WDFY2: variants seen among roughly 807,000 people sequenced by gnomAD.
WDFY2 encodes the protein WD repeat and FYVE domain containing 2, also known as WD repeat and FYVE domain-containing protein 2.
In WDFY2, 36 loss-of-function variants were observed where a neutral mutation model predicts 56.4. The ratio of observed to expected loss-of-function variants is 0.64; its 90% CI spans 0.49 to 0.84. The LOEUF (loss-of-function observed/expected upper bound fraction) is 0.84, where lower values mean the gene tolerates loss of function less well. Among genes scored for constraint, WDFY2 ranks in the 40% least tolerant of loss-of-function variants. The probability of loss-of-function intolerance (pLI) is 0.00; values close to 1 mark genes in which losing one functional copy is unlikely to be tolerated. For synonymous variants in WDFY2, 176 were observed against 183.7 expected (o/e 0.96, Z 0.34); for missense variants, 444 against 512.2 (o/e 0.87, Z 1.29).
intron 6 of WDFY2, among the ~76,000 whole-genome samples, chr13:51,737,373 G>A (rs1352083404): frequency 1.3e-5 from 2 of 151,710 alleles, no homozygotes; most frequent in Non-Finnish European, 2.9e-5. Context: ...AAAGCCAAGG[G>A]CATTTCTTTC....
intron 1 of WDFY2, among the ~76,000 whole-genome samples, chr13:51,650,908 T>A (rs1955368030): frequency 6.6e-6 from 1 of 152,196 alleles, no homozygotes; most frequent in Non-Finnish European, 1.5e-5. Context: ...GGCTTTGGTA[T>A]CAGGATGATG....
At chr13:51,663,746 C>T (rs895101198) in intron 2 of WDFY2, among the ~76,000 whole-genome samples, 9 of 151,992 alleles carry the variant, frequency 5.9e-5, no homozygotes, top group African/African-American at 1.9e-4. Context: ...AGAGGTTACT[C>T]GGTATTATTC....
intron 1 of WDFY2, among the ~76,000 whole-genome samples, chr13:51,613,694 G>C (rs765358022): frequency 6.7e-6 from 1 of 149,746 alleles, no homozygotes; most frequent in South Asian, 2.1e-4. Flanking sequence ...TTTTTTTTTC[G>C]TGGAAAAGTC....
intron 3 of WDFY2, among the ~76,000 whole-genome samples, chr13:51,678,149 C>G (rs552368552): frequency 6.6e-6 from 1 of 152,202 alleles, no homozygotes; most frequent in East Asian, 1.9e-4. Flanking sequence ...TGAGCCCTAC[C>G]AATTGAAATT....
chr13:51,652,968 G>C (rs1955425553), intron 1 of WDFY2, among the ~76,000 whole-genome samples: 1 of 152,170 alleles, frequency 6.6e-6, no homozygotes. Context: ...CTAGATTGGG[G>C]AAGTTCTCCT....
chr13:51,671,784 T>G (rs1053562598), intron 2 of WDFY2, among the ~76,000 whole-genome samples: 2 of 134,392 alleles, frequency 1.5e-5, no homozygotes, highest in African/African-American at 5.4e-5. Flanking sequence ...TGCTTTTTTT[T>G]TTTTTTTTTT....
chr13:51,585,624 C>G (rs1953922331), intron 1 of WDFY2, among the ~76,000 whole-genome samples: 1 of 152,226 alleles, frequency 6.6e-6, no homozygotes, highest in South Asian at 2.1e-4. Flanking sequence ...GCTGATGAAG[C>G]TAATTTCTAG....
chr13:51,628,866 G>T (rs1954893562), intron 1 of WDFY2, among the ~76,000 whole-genome samples: 1 of 152,224 alleles, frequency 6.6e-6, no homozygotes, highest in African/African-American at 2.4e-5. Context: ...TTGAGCAGCA[G>T]ACTAAATTCT....
chr13:51,641,069 C>CATTT (rs759933582), intron 1 of WDFY2, among the ~76,000 whole-genome samples: 82 of 151,952 alleles, frequency 5.4e-4, no homozygotes, highest in East Asian at 1.8e-3. Context: ...ATTCATGGAG[C>CATTT]ATTTATTTAT....
intron 4 of WDFY2, 24 bp downstream of exon 4, chr13:51,703,674 C>T: frequency 6.3e-7 from 1 of 1,579,848 alleles, no homozygotes. Flanking sequence ...GGAGTACCTT[C>T]ATTACCCAGA....
intron 1 of WDFY2, among the ~76,000 whole-genome samples, chr13:51,652,021 A>G (rs537865230): frequency 1.3e-5 from 2 of 152,242 alleles, no homozygotes; most frequent in South Asian, 4.1e-4. Flanking sequence ...GTCTCCCATT[A>G]TTATTGTGTG....
At chr13:51,722,044 G>A (rs1366685260) in intron 5 of WDFY2, among the ~76,000 whole-genome samples, 2 of 136,576 alleles carry the variant, frequency 1.5e-5, no homozygotes, top group African/African-American at 2.8e-5. Flanking sequence ...TTTTGGTTTC[G>A]TCGTTGTTTG....
intron 6 of WDFY2, among the ~76,000 whole-genome samples, chr13:51,731,815 A>G (rs1952728740): frequency 6.6e-6 from 1 of 152,174 alleles, no homozygotes; most frequent in African/African-American, 2.4e-5. Context: ...CTCCAAATCC[A>G]AACTCAGAAG....
At chr13:51,645,115 T>C (rs1053218149) in intron 1 of WDFY2, among the ~76,000 whole-genome samples, 1 of 152,220 alleles carries the variant, frequency 6.6e-6, no homozygotes, top group African/African-American at 2.4e-5. Flanking sequence ...TCTGCAACAT[T>C]TTCTGCGTTT....
chr13:51,650,992 C>G (rs1244792334), intron 1 of WDFY2, among the ~76,000 whole-genome samples: 4 of 152,214 alleles, frequency 2.6e-5, no homozygotes, highest in Non-Finnish European at 4.4e-5. Flanking sequence ...AGGAATGGCA[C>G]CAGCTCCTCC....
chr13:51,687,358 A>T (rs892237155), intron 3 of WDFY2, among the ~76,000 whole-genome samples: 1 of 152,018 alleles, frequency 6.6e-6, no homozygotes, highest in Non-Finnish European at 1.5e-5. Flanking sequence ...TTAGAAGGTC[A>T]TAGAAGTGAT....
chr13:51,646,848 G>T (rs1016996360), intron 1 of WDFY2, among the ~76,000 whole-genome samples: 2 of 152,216 alleles, frequency 1.3e-5, no homozygotes, highest in Admixed American at 1.3e-4. Context: ...CATGAACCTG[G>T]TGTGGTGCTT....
intron 7 of WDFY2, among the ~76,000 whole-genome samples, chr13:51,740,486 C>T (rs921537515): frequency 1.3e-5 from 2 of 152,174 alleles, no homozygotes; most frequent in Non-Finnish European, 2.9e-5. Flanking sequence ...GAGGCCGAGG[C>T]GGGCGGATCA....
intron 3 of WDFY2, among the ~76,000 whole-genome samples, chr13:51,691,419 A>T (rs1443660935): frequency 8.7e-5 from 13 of 149,774 alleles, no homozygotes; most frequent in African/African-American, 3.2e-4. Context: ...ACATATGGCT[A>T]GCCAGTTTTC....
Sources: allele counts gnomAD v4.1 joint callset (sites outside exome capture counted in the v4.1 genomes callset), GRCh38; gene constraint gnomAD v4.1.1; transcripts MANE v1.5; gene names NCBI Gene and HGNC (gene_info 2026-07-23, HGNC 2026-07-21).